Variants in STAU2 observed in about 807,000 individuals in gnomAD.
STAU2 encodes staufen double-stranded RNA binding protein 2.
In STAU2, 20 loss-of-function variants were observed where a neutral mutation model predicts 65.9. That is an observed-to-expected ratio of 0.30 (90% CI 0.21 to 0.44). The LOEUF (loss-of-function observed/expected upper bound fraction) is 0.44, where lower values mean the gene tolerates loss of function less well. STAU2 is among the 20% of genes least tolerant of loss of function. The probability of loss-of-function intolerance (pLI) is 1.00; values close to 1 mark genes in which losing one functional copy is unlikely to be tolerated. For synonymous variants in STAU2, 232 were observed against 233.9 expected (o/e 0.99, Z 0.07); for missense variants, 558 against 683.9 (o/e 0.82, Z 2.05).
chr8:73,704,722 G>A (rs570933110), intron 4 of STAU2, among the ~76,000 whole-genome samples: 3 of 152,282 alleles, frequency 2.0e-5, no homozygotes, highest in Non-Finnish European at 2.9e-5. Flanking sequence ...AGGCTGGAGT[G>A]CAGTGGCGCG....
Position 73,552,164 on chromosome 8 carries a change from T to C in STAU2, c.1378A>G (p.Ser460Gly). Residue 460 changes from serine (S) to glycine (G), a missense_variant, in exon 13 of 15, where the codon AGT (serine) becomes GGT (glycine). Coordinates refer to ENST00000524300, the MANE Select transcript of STAU2 (RefSeq NM_001164380.2). ...SFFSISPTSN[S>G]SATIARELLM... The stretch of plus-strand genomic sequence containing the variant: ...AGTTCCCTGGCAATTGTAGCTGAAC[T>C]ATTCGATGTGGGAGATATACTGAAG... 6.2e-7 allele frequency: 1 copy of C among 1,614,000 alleles called. No homozygotes were observed. The highest frequency in any genetic ancestry group is 8.5e-7 in the Non-Finnish European group (1 of 1,179,882).
chr8:73,501,352 A>C (rs1821740318), intron 13 of STAU2, among the ~76,000 whole-genome samples: 1 of 151,990 alleles, frequency 6.6e-6, no homozygotes, highest in African/African-American at 2.4e-5. Context: ...CTATACAAAG[A>C]AAACAGATAT....
intron 4 of STAU2, among the ~76,000 whole-genome samples, chr8:73,704,791 C>G (rs957835263): frequency 2.0e-5 from 3 of 152,156 alleles, no homozygotes; most frequent in Non-Finnish European, 2.9e-5. Context: ...GCCTCAGCCT[C>G]CCGAGCAGCT....
chr8:73,747,352 G>C (rs1355925837), upstream of STAU2: 1 of 1,534,024 alleles, frequency 6.5e-7, no homozygotes, highest in Non-Finnish European at 8.7e-7. Context: ...TGCTCTTTCT[G>C]GTCCGCACCC....
intron 13 of STAU2, among the ~76,000 whole-genome samples, chr8:73,544,948 A>C (rs1230912041): frequency 6.6e-6 from 1 of 152,148 alleles, no homozygotes; most frequent in Non-Finnish European, 1.5e-5. Context: ...CCGAGTCCAA[A>C]GTTTAGCATG....
chr8:73,680,278 T>C (rs898902198), intron 5 of STAU2, among the ~76,000 whole-genome samples: 1 of 151,940 alleles, frequency 6.6e-6, no homozygotes, highest in Non-Finnish European at 1.5e-5. Flanking sequence ...GGAAGACTTC[T>C]AGCCTAGGGC....
chr8:73,690,359 A>G (rs929866022), intron 4 of STAU2, among the ~76,000 whole-genome samples: 10 of 147,952 alleles, frequency 6.8e-5, no homozygotes, highest in African/African-American at 2.5e-4. Flanking sequence ...AAAAGAAAAG[A>G]GACATGAAAA....
At chr8:73,654,980 C>G (rs575932825) in intron 6 of STAU2, among the ~76,000 whole-genome samples, 6 of 152,120 alleles carry the variant, frequency 3.9e-5, no homozygotes, top group African/African-American at 1.4e-4. Context: ...CCACCGCGCC[C>G]GGCCCAAACC....
At chr8:73,552,395 G>A (rs989523743) in intron 12 of STAU2, 76 bp from the exon 13 acceptor site, 9 of 1,294,434 alleles carry the variant, frequency 7.0e-6, no homozygotes, top group Non-Finnish European at 9.4e-6. Flanking sequence ...TAACTCAATG[G>A]CTTTACTTGG....
chr8:73,463,032 G>C (rs1278297281), intron 13 of STAU2, among the ~76,000 whole-genome samples: 2 of 152,196 alleles, frequency 1.3e-5, no homozygotes, highest in Non-Finnish European at 2.9e-5. Context: ...CTGCCTGCCG[G>C]CCTCTCCACT....
chr8:73,648,458 G>A (rs1270217942), intron 6 of STAU2, among the ~76,000 whole-genome samples: 1 of 152,104 alleles, frequency 6.6e-6, no homozygotes, highest in Non-Finnish European at 1.5e-5. Context: ...CTAAAACAGG[G>A]ATAAAATATA....
chr8:73,458,978 C>T (rs1563604396), intron 13 of STAU2, among the ~76,000 whole-genome samples: 1 of 152,204 alleles, frequency 6.6e-6, no homozygotes, highest in Non-Finnish European at 1.5e-5. Context: ...CATTATAAAA[C>T]ATTTAAATCA....
intron 12 of STAU2, among the ~76,000 whole-genome samples, chr8:73,565,309 C>G (rs1316718524): frequency 6.6e-6 from 1 of 152,010 alleles, no homozygotes; most frequent in Non-Finnish European, 1.5e-5. Flanking sequence ...CTTGCTCTCT[C>G]TCTCCTGCTG....
intron 5 of STAU2, among the ~76,000 whole-genome samples, chr8:73,685,777 T>A (rs1818761997): frequency 6.6e-6 from 1 of 152,302 alleles, no homozygotes; most frequent in South Asian, 2.1e-4. Flanking sequence ...AGAACTACCA[T>A]TTGATCCAGC....
chr8:73,423,530 G>C (rs867047763), intron 13 of STAU2, among the ~76,000 whole-genome samples: 1 of 152,186 alleles, frequency 6.6e-6, no homozygotes, highest in South Asian at 2.1e-4. Context: ...GTCTGAGATG[G>C]GCATGAGCAG....
chr8:73,721,256 C>T lies in STAU2; in HGVS notation c.-17-12094G>A, dbSNP rs556746291. Among the ~76,000 whole-genome samples the T allele has an allele frequency of 1.0e-3, 119 of 114,572 alleles. 4 individuals are homozygous for T. In the South Asian group the frequency reaches 0.033, roughly 32 times the overall value. 75.2% of individuals were successfully genotyped at this position (114,572 alleles called of 152,430 possible). ...AGTCAGCCATGGTGGTACCACTTCA[C>T]TACAGCGTGAACAAAGCAAAACCCC... On this transcript the variant is annotated intron_variant, in intron 3 of 14. Transcript: ENST00000524300.
intron 3 of STAU2, among the ~76,000 whole-genome samples, chr8:73,710,072 A>C (rs1820788936): frequency 6.6e-6 from 1 of 152,090 alleles, no homozygotes; most frequent in South Asian, 2.1e-4. Flanking sequence ...TTCACTCTTA[A>C]AGAGAGCATG....
intron 13 of STAU2, among the ~76,000 whole-genome samples, chr8:73,458,404 G>A (rs2128898337): frequency 6.6e-6 from 1 of 151,994 alleles, no homozygotes. Context: ...TCAGTTCTTT[G>A]GGCTTAATCC....
chr8:73,609,461 G>A (rs1812280266), intron 9 of STAU2, among the ~76,000 whole-genome samples: 1 of 151,906 alleles, frequency 6.6e-6, no homozygotes, highest in South Asian at 2.1e-4. Context: ...AGACCAGCCT[G>A]GCCAACATGG....
Sources: gnomAD v4.1 joint callset for allele counts (sites outside exome capture counted in the v4.1 genomes callset) on GRCh38, gnomAD v4.1.1 for gene constraint, MANE v1.5 for transcripts, NCBI Gene and HGNC (gene_info 2026-07-23, HGNC 2026-07-21) for gene names.